The following DPY30 variants were observed in gnomAD, a reference collection of about 807,000 sequenced individuals.
DPY30 encodes the protein protein dpy-30 homolog.
A neutral mutation model predicts 16.2 loss-of-function variants in DPY30; 6 were observed. The observed-to-expected ratio is 0.37, with a 90% CI of 0.20 to 0.73. The LOEUF is 0.73. DPY30 is among the 30% of genes least tolerant of loss of function. The pLI, the probability that DPY30 is intolerant of heterozygous loss-of-function variation, is 0.51. For synonymous variants in DPY30, 39 were observed against 38.8 expected, an observed-to-expected ratio of 1.00 and a Z score of -0.02; for missense variants, 73 against 113.1, an observed-to-expected ratio of 0.65 and a Z score of 1.61.
chr2:32,017,343 G>T (rs912198467), intron 5 of DPY30, among the ~76,000 whole-genome samples: 3 of 152,002 alleles, frequency 2.0e-5, no homozygotes, highest in Non-Finnish European at 4.4e-5. Context: ...TCAGCTGGGG[G>T]TGGTGGCTTA....
intron 5 of DPY30, among the ~76,000 whole-genome samples, chr2:32,015,659 C>T (rs1361108216): frequency 2.0e-5 from 3 of 151,936 alleles, no homozygotes; most frequent in African/African-American, 2.4e-5. Context: ...CCTGGGGCAA[C>T]ACAGCAAGAT....
At chr2:32,036,017 C>T (rs1675723677) in intron 3 of DPY30, among the ~76,000 whole-genome samples, 1 of 151,018 alleles carries the variant, frequency 6.6e-6, no homozygotes, top group Non-Finnish European at 1.5e-5. Flanking sequence ...CAGGGTCTCA[C>T]TCTGTCACCC....
intron 1 of DPY30, 41 bp downstream of exon 1, chr2:32,039,692 C>T (rs931918451): frequency 1.8e-5 from 11 of 595,864 alleles, no homozygotes; most frequent in East Asian, 2.8e-5. Context: ...GTCCCAAGTA[C>T]CTAGAATAAG....
intron 3 of DPY30, among the ~76,000 whole-genome samples, chr2:32,033,175 G>A (rs568036638): frequency 2.6e-5 from 4 of 151,898 alleles, no homozygotes; most frequent in Non-Finnish European, 4.4e-5. Flanking sequence ...AGGCATGGTG[G>A]CAGGCACCTG....
chr2:32,025,304 A>T (rs1675286189), intron 4 of DPY30, among the ~76,000 whole-genome samples: 1 of 152,118 alleles, frequency 6.6e-6, no homozygotes, highest in African/African-American at 2.4e-5. Flanking sequence ...CTCTACTAAA[A>T]ATACAAAAAT....
At chr2:32,037,132 T>C (rs6748621) in intron 3 of DPY30, among the ~76,000 whole-genome samples, 65,033 of 151,988 alleles carry the variant, frequency 0.43, 14,237 homozygotes, top group East Asian at 0.64. Flanking sequence ...TACCAGCGGA[T>C]GTGAACTACA....
intron 3 of DPY30, among the ~76,000 whole-genome samples, chr2:32,034,021 T>C (rs1269521418): frequency 6.6e-6 from 1 of 152,124 alleles, no homozygotes; most frequent in Non-Finnish European, 1.5e-5. Flanking sequence ...GTAGTCTCCC[T>C]GAGTTGAGAA....
intron 4 of DPY30, among the ~76,000 whole-genome samples, chr2:32,025,515 C>T (rs908407252): frequency 6.6e-6 from 1 of 151,718 alleles, no homozygotes; most frequent in African/African-American, 2.4e-5. Flanking sequence ...GTAATCCTGG[C>T]ACTTTAGAGG....
At chr2:32,030,117 G>C (rs941429107) in intron 3 of DPY30, among the ~76,000 whole-genome samples, 2 of 148,828 alleles carry the variant, frequency 1.3e-5, no homozygotes, top group Non-Finnish European at 3.0e-5. Context: ...CCAAATCATA[G>C]TAAGAAAGCT....
At chr2:32,015,340 C>A (rs2148649558) in intron 5 of DPY30, among the ~76,000 whole-genome samples, 1 of 152,262 alleles carries the variant, frequency 6.6e-6, no homozygotes, top group Non-Finnish European at 1.5e-5. Context: ...TGTCAGTCAA[C>A]TTTGCCCCTG....
intron 4 of DPY30, 81 bp downstream of exon 4, chr2:32,029,513 T>A (rs1237381809): frequency 2.6e-6 from 4 of 1,517,156 alleles, no homozygotes; most frequent in Non-Finnish European, 3.6e-6. Flanking sequence ...AAAAAGTCGC[T>A]ATACATAACT....
chr2:32,015,104 T>C (rs1255418434), intron 5 of DPY30, among the ~76,000 whole-genome samples: 1 of 152,130 alleles, frequency 6.6e-6, no homozygotes, highest in Non-Finnish European at 1.5e-5. Flanking sequence ...AACCTCTATT[T>C]TTCCATCTTT....
chr2:32,029,537 T>C lies in DPY30; in HGVS notation c.227+57A>G, dbSNP rs1675455278. 12 of 1,590,482 alleles carry C rather than the reference T, an allele frequency of 7.5e-6. No homozygotes were observed. The East Asian group carries it at 1.6e-4, about 21-fold the overall frequency. On this transcript the variant is annotated intron_variant, in intron 4 of 4. Coordinates refer to ENST00000342166, the MANE Select transcript of DPY30 (RefSeq NM_001321209.2). Reference sequence around the variant, plus strand: ...CTATACATAACTATGATATTTCAGATAGGGGAATCTATTTTGCTTTCTTTA... The same window carrying C: ...CTATACATAACTATGATATTTCAGACAGGGGAATCTATTTTGCTTTCTTTA...
chr2:32,025,768 GA>G (rs74507410), intron 4 of DPY30, among the ~76,000 whole-genome samples: 725 of 61,588 alleles, frequency 0.012, 6 homozygotes, highest in African/African-American at 0.037. Flanking sequence ...GTCTTGGAAA[GA>G]AAAAAAAAAA....
chr2:32,013,133 T>TAA (rs1486187237), intron 5 of DPY30: 1 of 152,126 alleles, frequency 6.6e-6, no homozygotes, highest in Admixed American at 6.5e-5. Flanking sequence ...CAAACAGGAG[T>TAA]AATAGCTAAC....
chr2:32,013,203 A>T (rs1055311073), intron 5 of DPY30: 1 of 152,210 alleles, frequency 6.6e-6, no homozygotes, highest in Admixed American at 6.5e-5. Flanking sequence ...GCTGTTCTTT[A>T]TAAATATTTG....
downstream of DPY30, among the ~76,000 whole-genome samples, chr2:32,020,440 G>T (rs1173153396): frequency 2.0e-5 from 3 of 151,536 alleles, no homozygotes; most frequent in Middle Eastern, 3.5e-3. Context: ...TGAGCTTAGG[G>T]CTTCAAGGTT....
At chr2:32,030,320 T>A (rs1675486137) in intron 3 of DPY30, among the ~76,000 whole-genome samples, 1 of 151,984 alleles carries the variant, frequency 6.6e-6, no homozygotes, top group South Asian at 2.1e-4. Flanking sequence ...AACTGCAAAA[T>A]CCAGTCTTTA....
intron 5 of DPY30, among the ~76,000 whole-genome samples, chr2:32,016,151 C>T (rs1258607271): frequency 1.3e-5 from 2 of 152,110 alleles, no homozygotes; most frequent in Non-Finnish European, 1.5e-5. Flanking sequence ...CTGCCTGCCT[C>T]GGCCTTGCAA....
Sources: allele counts gnomAD v4.1 joint callset (sites outside exome capture counted in the v4.1 genomes callset), GRCh38; gene constraint gnomAD v4.1.1; transcripts MANE v1.5; gene names NCBI Gene and HGNC (gene_info 2026-07-23, HGNC 2026-07-21).